The following SLC10A6 variants were observed in gnomAD, a reference collection of about 807,000 sequenced individuals.
SLC10A6 encodes the protein sodium-dependent organic anion transporter.
SLC10A6 carries 27 observed loss-of-function variants against 30.0 expected under a neutral mutation model. The ratio of observed to expected loss-of-function variants is 0.90; its 90% CI spans 0.66 to 1.24. The LOEUF is 1.24. SLC10A6 is among the 50% of genes most tolerant of loss of function. The pLI, the probability that SLC10A6 is intolerant of heterozygous loss-of-function variation, is 0.00. For synonymous variants in SLC10A6, 166 were observed against 173.8 expected (o/e 0.95, Z 0.36); for missense variants, 439 against 457.0 (o/e 0.96, Z 0.36).
At chr4:86,824,246 C>G (rs1456610153) in intron 5 of SLC10A6, among the ~76,000 whole-genome samples, 1 of 152,266 alleles carries the variant, frequency 6.6e-6, no homozygotes, top group Non-Finnish European at 1.5e-5. Context: ...AGGACACTCT[C>G]CTGGGTTCTG....
At chr4:86,824,215 C>T (rs113080434) in intron 5 of SLC10A6, among the ~76,000 whole-genome samples, 3 of 152,090 alleles carry the variant, frequency 2.0e-5, no homozygotes. Flanking sequence ...CTGGCAAATA[C>T]TGCGAGTGCT....
chr4:86,846,280 C>T (rs1162076055), intron 1 of SLC10A6, among the ~76,000 whole-genome samples: 1 of 151,766 alleles, frequency 6.6e-6, no homozygotes, highest in African/African-American at 2.4e-5. Flanking sequence ...TTAGTTTTTG[C>T]TTGTTTTTTT....
rs773863398 is a variant in SLC10A6, at chr4:86,823,853, G to A, written c.969C>T (p.Asn323=). The change falls in exon 6 of 6, where the codon AAC becomes AAT. Residue 323 remains asparagine, a synonymous_variant. Transcript: ENST00000273905. The stretch of plus-strand genomic sequence containing the variant: ...TATGGCAGACTTCTGTGCAACCTGA[G>A]TTCTTTTTTCCATGTTTGTTCTTCA... The part of the protein sequence containing the change: ...RRLKNKHGKK[N]SGCTEVCHTR... The A allele has an allele frequency of 1.9e-6, 3 of 1,613,690 alleles. No homozygotes were observed. Among genetic ancestry groups the A allele is most frequent in the African/African-American group, 2.7e-5 (2 of 74,934 alleles).
chr4:86,841,670 T>G (rs1746292754), intron 1 of SLC10A6, among the ~76,000 whole-genome samples: 1 of 152,208 alleles, frequency 6.6e-6, no homozygotes, highest in African/African-American at 2.4e-5. Context: ...ATATACACAT[T>G]ACATTAAAAT....
chr4:86,831,698 C>T, intron 3 of SLC10A6, 94 bp downstream of exon 3: 1 of 1,010,616 alleles, frequency 9.9e-7, no homozygotes, highest in South Asian at 1.4e-5. Flanking sequence ...TGGGGCCGTA[C>T]TCAACAAGCT....
chr4:86,837,281 A>AAGAAAGAAAGAAAGAAAGAG (rs34533020), intron 1 of SLC10A6, among the ~76,000 whole-genome samples: 82 of 90,346 alleles, frequency 9.1e-4, no homozygotes, highest in African/African-American at 2.1e-3. Flanking sequence ...GAAAGAAAGA[A>AAGAAAGAAAGAAAGAAAGAG]AGAAAAAGAA....
chr4:86,842,878 T>TTTCTTTCTTTCTTTCTTTCTTTCTTTC (rs1560461956), intron 1 of SLC10A6, among the ~76,000 whole-genome samples: 1 of 84,626 alleles, frequency 1.2e-5, no homozygotes, highest in Non-Finnish European at 2.4e-5. Flanking sequence ...TTCTTTCTTT[T>TTTCTTTCTTTCTTTCTTTCTTTCTTTC]TTTTTTTGAG....
chr4:86,824,841 A>G (rs1219179995), intron 5 of SLC10A6, among the ~76,000 whole-genome samples: 2 of 152,140 alleles, frequency 1.3e-5, no homozygotes, highest in African/African-American at 2.4e-5. Flanking sequence ...CTTGCATTAT[A>G]TATATTTTTA....
At chr4:86,838,479 G>A (rs1746236148) in intron 1 of SLC10A6, among the ~76,000 whole-genome samples, 1 of 152,132 alleles carries the variant, frequency 6.6e-6, no homozygotes, top group Non-Finnish European at 1.5e-5. Flanking sequence ...TCAACACACT[G>A]GTGCTATGGA....
At chr4:86,848,115 GTGA>G (rs780015806) in intron 1 of SLC10A6, among the ~76,000 whole-genome samples, 60 of 152,330 alleles carry the variant, frequency 3.9e-4, no homozygotes, top group Non-Finnish European at 4.7e-4. Context: ...TGCGAATCTA[GTGA>G]TGATGTTAAC....
At chr4:86,847,625 G>T (rs1746415307) in intron 1 of SLC10A6, among the ~76,000 whole-genome samples, 1 of 151,892 alleles carries the variant, frequency 6.6e-6, no homozygotes, top group Admixed American at 6.6e-5. Flanking sequence ...TTCCTATTCT[G>T]CATGGTATGA....
intron 1 of SLC10A6, among the ~76,000 whole-genome samples, chr4:86,842,112 T>G (rs1746302148): frequency 6.6e-6 from 1 of 152,202 alleles, no homozygotes; most frequent in African/African-American, 2.4e-5. Context: ...TTGCATGAAG[T>G]CTCATGAATT....
chr4:86,839,916 A>AT (rs1056512639), intron 1 of SLC10A6, among the ~76,000 whole-genome samples: 100 of 123,102 alleles, frequency 8.1e-4, no homozygotes, highest in East Asian at 1.6e-3. Context: ...TTTTTTTTTT[A>AT]TTTTTTTTTT....
chr4:86,823,958 G>A (rs1745928895), intron 5 of SLC10A6, 56 bp from the exon 6 acceptor site: 2 of 1,489,544 alleles, frequency 1.3e-6, no homozygotes, highest in African/African-American at 2.8e-5. Flanking sequence ...GTCTAATTTG[G>A]TGACACTGTA....
At chr4:86,825,663 A>G in intron 4 of SLC10A6, 86 bp from the exon 5 acceptor site, 3 of 1,339,238 alleles carry the variant, frequency 2.2e-6, no homozygotes, top group Non-Finnish European at 3.0e-6. Context: ...AACAATTAGA[A>G]GCTATGACCT....
At chr4:86,827,197 A>G (rs1014765480) in intron 4 of SLC10A6, among the ~76,000 whole-genome samples, 2 of 152,182 alleles carry the variant, frequency 1.3e-5, no homozygotes, top group East Asian at 1.9e-4. Flanking sequence ...TTCTGTCCAG[A>G]GCCAATTGCA....
intron 1 of SLC10A6, among the ~76,000 whole-genome samples, chr4:86,842,474 G>C (rs543715401): frequency 1.3e-5 from 2 of 152,194 alleles, no homozygotes; most frequent in African/African-American, 4.8e-5. Flanking sequence ...AGGATTGCTT[G>C]AGCCCAGGAG....
chr4:86,842,571 A>G (rs1225991548), intron 1 of SLC10A6, among the ~76,000 whole-genome samples: 1 of 152,114 alleles, frequency 6.6e-6, no homozygotes, highest in East Asian at 1.9e-4. Context: ...GCATGCCTAT[A>G]GTCCCAGCTG....
At position 86,833,292 on chromosome 4, in the gene SLC10A6, A is replaced by G. The variant is rs772418689; in HGVS notation, c.496+14T>C. The G allele has an allele frequency of 6.4e-7, 1 of 1,565,958 alleles. No individual in the cohort carries two copies. The highest frequency in any genetic ancestry group is 8.8e-7 in the Non-Finnish European group (1 of 1,137,866). On this transcript the variant is annotated intron_variant, in intron 2 of 5. Coordinates refer to ENST00000273905, the MANE Select transcript of SLC10A6 (RefSeq NM_197965.3). ...CATTACTGTTAGTCCTCCATTTCCCAGGCCCATACAGACCTATGTTCTGAT... is the reference window on the plus strand; with the variant it reads ...CATTACTGTTAGTCCTCCATTTCCCGGGCCCATACAGACCTATGTTCTGAT...
Sources: allele counts gnomAD v4.1 joint callset (sites outside exome capture counted in the v4.1 genomes callset), GRCh38; gene constraint gnomAD v4.1.1; transcripts MANE v1.5; gene names NCBI Gene and HGNC (gene_info 2026-07-23, HGNC 2026-07-21).